ACSS1: variants seen among roughly 807,000 people sequenced by gnomAD.
ACSS1 encodes acetyl-coenzyme A synthetase 2-like, mitochondrial.
ACSS1 carries 42 observed loss-of-function variants against 75.3 expected under a neutral mutation model. The observed-to-expected ratio is 0.56, with a 90% CI of 0.44 to 0.72. The LOEUF (loss-of-function observed/expected upper bound fraction) is 0.72. Among genes scored for constraint, ACSS1 ranks in the 30% least tolerant of loss-of-function variants. ACSS1 has a pLI of 0.00. For missense variants in ACSS1, 782 were observed against 935.7 expected (o/e 0.84, Z 2.14); for synonymous variants, 380 against 376.8 (o/e 1.01, Z -0.10).
At chr20:25,049,864 GT>G (rs2089152432) in intron 1 of ACSS1, among the ~76,000 whole-genome samples, 1 of 152,056 alleles carries the variant, frequency 6.6e-6, no homozygotes, top group Admixed American at 6.5e-5. Context: ...CCCGGTAACA[GT>G]CCAGTTCTTC....
chr20:25,014,188 G>T (rs2088474815), intron 8 of ACSS1, 115 bp from the exon 9 acceptor site: 3 of 835,242 alleles, frequency 3.6e-6, no homozygotes, highest in African/African-American at 3.4e-5. Flanking sequence ...CGCCTCAGGG[G>T]CACAACGATC....
At chr20:25,029,534 T>C (rs1353375149) in intron 3 of ACSS1, among the ~76,000 whole-genome samples, 2 of 152,054 alleles carry the variant, frequency 1.3e-5, no homozygotes, top group Non-Finnish European at 2.9e-5. Context: ...CCCCCAAAAT[T>C]AAAAACAGGT....
Position 25,007,246 on chromosome 20 carries a change from G to A in ACSS1, c.*516C>T. 1 of 1,149,420 alleles carries A rather than the reference G, an allele frequency of 8.7e-7. No individual in the cohort carries two copies. Among genetic ancestry groups the A allele is most frequent in the South Asian group, 3.0e-5 (1 of 33,596 alleles). The allele number at this position is 1,149,420 out of a possible 1,614,324, so 71.2% of individuals were successfully genotyped here. On this transcript the variant is annotated 3_prime_UTR_variant, in exon 14 of 14. Coordinates refer to ENST00000323482, the MANE Select transcript of ACSS1 (RefSeq NM_032501.4). Reference sequence around the variant, plus strand: ...CCTCACCAGTAGAGGCAAAAAAGGAGATTTTCATAACTACATGTTAAAAAG... The same window carrying A: ...CCTCACCAGTAGAGGCAAAAAAGGAAATTTTCATAACTACATGTTAAAAAG...
chr20:25,036,963 A>G (rs1441913337), intron 2 of ACSS1, among the ~76,000 whole-genome samples: 3 of 146,482 alleles, frequency 2.0e-5, no homozygotes, highest in Middle Eastern at 3.5e-3. Flanking sequence ...AAAAAAAAAA[A>G]AAGAAGAAGA....
At chr20:25,034,693 C>T (rs1474091972) in intron 2 of ACSS1, among the ~76,000 whole-genome samples, 7 of 152,002 alleles carry the variant, frequency 4.6e-5, no homozygotes, top group Non-Finnish European at 8.8e-5. Flanking sequence ...CTCAGCCTCC[C>T]GAGTAGTTGG....
rs371706673 is a variant in ACSS1 at position 25,009,423 on chromosome 20, T to C, written c.1772-35A>G. The C allele has an allele frequency of 7.6e-5, 120 of 1,571,184 alleles. No individual in the cohort carries two copies. In the African/African-American group the frequency reaches 1.5e-3, roughly 20 times the overall value. On this transcript the variant is annotated intron_variant, in intron 12 of 13. Coordinates refer to ENST00000323482, the MANE Select transcript of ACSS1 (RefSeq NM_032501.4). ...AAGCCAAGTTTGGGGATGTATTAAA[T>C]ACTAGACAAGGAGCCAACTCCCGAG...
chr20:25,021,962 A>G (rs1297295665), intron 5 of ACSS1, among the ~76,000 whole-genome samples: 1 of 152,200 alleles, frequency 6.6e-6, no homozygotes, highest in African/African-American at 2.4e-5. Flanking sequence ...AACAGGCACA[A>G]CCCAGACCAA....
chr20:25,030,408 A>G (rs1195271132), intron 3 of ACSS1, among the ~76,000 whole-genome samples: 1 of 152,070 alleles, frequency 6.6e-6, no homozygotes, highest in African/African-American at 2.4e-5. Flanking sequence ...GACCTGTGGA[A>G]CCTTCCCTGT....
Position 25,007,698 on chromosome 20 carries a change from T to G in ACSS1, c.*64A>C. On this transcript the variant is annotated 3_prime_UTR_variant, in exon 14 of 14. Transcript: ENST00000323482. ...GGAAGACGCCAACCTCAGGGGTACC[T>G]TCTGGGAAGGACAAGCCAGGGCTTG... 1 of 1,583,520 alleles carries G rather than the reference T, an allele frequency of 6.3e-7. No homozygotes were observed. Among genetic ancestry groups the G allele is most frequent in the Admixed American group, 1.7e-5 (1 of 58,038 alleles).
chr20:25,012,338 T>C, intron 12 of ACSS1: 1 of 534,778 alleles, frequency 1.9e-6, no homozygotes, highest in Non-Finnish European at 3.4e-6. Context: ...CCCCCAAGCT[T>C]AGCCAAGCCC....
At position 25,024,302 on chromosome 20, in the gene ACSS1, T is replaced by A. The variant is rs542985314; in HGVS notation, c.632-661A>T. ...CTAGCTTCCATGGCTAACCTAGGGG[T>A]AGGCCCAGAGCAGAGAAGAGGGGTG... On this transcript the variant is annotated intron_variant, in intron 3 of 13. Transcript: ENST00000323482. 3.3e-5 allele frequency among the ~76,000 whole-genome samples: 5 copies of A among 152,220 alleles called. No homozygotes were observed. The East Asian group carries it at 9.7e-4, about 29-fold the overall frequency.
chr20:25,009,136 C>T (rs779724291), intron 13 of ACSS1, 134 bp downstream of exon 13: 1 of 818,412 alleles, frequency 1.2e-6, no homozygotes, highest in Non-Finnish European at 2.0e-6. Context: ...CACCACCAGC[C>T]AGGAAAACCA....
intron 2 of ACSS1, among the ~76,000 whole-genome samples, chr20:25,039,073 A>C (rs968311115): frequency 5.9e-5 from 9 of 151,988 alleles, no homozygotes; most frequent in African/African-American, 2.2e-4. Flanking sequence ...AACAGCTATC[A>C]AGCAAGTATC....
chr20:25,046,749 A>G (rs988471098), intron 2 of ACSS1: 19 of 775,514 alleles, frequency 2.4e-5, no homozygotes, highest in Admixed American at 1.2e-4. Context: ...GGGTCTTCAG[A>G]GCCAAGCACA....
At chr20:25,021,917 C>T (rs568445081) in intron 5 of ACSS1, among the ~76,000 whole-genome samples, 28 of 152,330 alleles carry the variant, frequency 1.8e-4, no homozygotes, top group African/African-American at 6.5e-4. Context: ...CAGGATCTAA[C>T]TGCCCACGTG....
At chr20:25,043,366 C>T (rs1192816414) in intron 2 of ACSS1, among the ~76,000 whole-genome samples, 20 of 152,206 alleles carry the variant, frequency 1.3e-4, no homozygotes, top group Admixed American at 1.2e-3. Context: ...AGAGAGGTGG[C>T]CCCAGGCTCA....
At chr20:25,016,160 G>A (rs924764412) in intron 7 of ACSS1, among the ~76,000 whole-genome samples, 10 of 152,272 alleles carry the variant, frequency 6.6e-5, no homozygotes, top group South Asian at 2.1e-4. Context: ...GAAGCATGAC[G>A]CTGGGCAAGG....
intron 1 of ACSS1, among the ~76,000 whole-genome samples, chr20:25,053,230 A>ATT (rs376414199): frequency 0.03 from 3,952 of 133,356 alleles, 231 homozygotes; most frequent in African/African-American, 0.11. Flanking sequence ...CGCTCGGCTA[A>ATT]TTTTTTTTTT....
chr20:25,035,675 A>G (rs2088898670), intron 2 of ACSS1, among the ~76,000 whole-genome samples: 1 of 152,198 alleles, frequency 6.6e-6, no homozygotes, highest in Non-Finnish European at 1.5e-5. Context: ...AAGTGCTGGA[A>G]TTACAGGCAT....
Sources: allele counts gnomAD v4.1 joint callset (sites outside exome capture counted in the v4.1 genomes callset), GRCh38; gene constraint gnomAD v4.1.1; transcripts MANE v1.5; gene names NCBI Gene and HGNC (gene_info 2026-07-23, HGNC 2026-07-21).